The following CEP128 variants were observed in gnomAD, a reference collection of about 807,000 sequenced individuals.
The protein encoded by CEP128 is centrosomal protein 128kDa.
A neutral mutation model predicts 156.7 loss-of-function variants in CEP128; 132 were observed. That is an observed-to-expected ratio of 0.84 (90% CI 0.73 to 0.97). The LOEUF is 0.97. CEP128 is among the 50% of genes least tolerant of loss of function. The pLI is 0.00. For synonymous variants in CEP128, 469 were observed against 448.9 expected (o/e 1.04, Z -0.57); for missense variants, 1,252 against 1,281.9 (o/e 0.98, Z 0.36).
At chr14:80,567,584 G>T (rs1012346003) in intron 20 of CEP128, among the ~76,000 whole-genome samples, 2 of 152,070 alleles carry the variant, frequency 1.3e-5, no homozygotes, top group African/African-American at 4.8e-5. Context: ...ATCATTTCAA[G>T]ATTCTTCCTT....
At chr14:80,846,722 G>A (rs1181444941) in intron 9 of CEP128, among the ~76,000 whole-genome samples, 1 of 152,084 alleles carries the variant, frequency 6.6e-6, no homozygotes, top group Non-Finnish European at 1.5e-5. Flanking sequence ...AAAAGCTTCA[G>A]AAGACATGAC....
At chr14:80,855,146 C>T (rs1887082534) in intron 9 of CEP128, among the ~76,000 whole-genome samples, 1 of 152,094 alleles carries the variant, frequency 6.6e-6, no homozygotes, top group Non-Finnish European at 1.5e-5. Context: ...ACGCATTTTC[C>T]AACAAAGTAG....
chr14:80,865,830 T>G (rs1475434975), intron 8 of CEP128, among the ~76,000 whole-genome samples: 1 of 151,966 alleles, frequency 6.6e-6, no homozygotes, highest in Non-Finnish European at 1.5e-5. Context: ...CAAACTGAAG[T>G]CTCAAATCCA....
intron 19 of CEP128, among the ~76,000 whole-genome samples, chr14:80,732,471 GGTGTGTGTGTGTGTGTGTGTGTGTGT>G (rs10672093): frequency 7.8e-6 from 1 of 127,646 alleles, no homozygotes; most frequent in East Asian, 2.4e-4. Flanking sequence ...TGATTAAGCA[GGTGTGTGTGTGTGTGTGTGTGTGTGT>G]GTGTGTGTGT....
chr14:80,712,860 T>A (rs1179541843), intron 19 of CEP128, among the ~76,000 whole-genome samples: 1 of 152,164 alleles, frequency 6.6e-6, no homozygotes, highest in African/African-American at 2.4e-5. Flanking sequence ...TCCTGAGGCT[T>A]GCATTTCCCC....
chr14:80,634,098 G>A (rs554399985), intron 19 of CEP128, among the ~76,000 whole-genome samples: 28 of 152,282 alleles, frequency 1.8e-4, no homozygotes, highest in East Asian at 3.9e-4. Flanking sequence ...TGCCTGCTGC[G>A]TTACTAAGTT....
chr14:80,644,301 T>C (rs962997154), intron 19 of CEP128, among the ~76,000 whole-genome samples: 1 of 152,216 alleles, frequency 6.6e-6, no homozygotes, highest in Non-Finnish European at 1.5e-5. Flanking sequence ...TGACATACGA[T>C]GTTTCTTTGC....
At chr14:80,819,523 G>A (rs1885052126) in intron 13 of CEP128, among the ~76,000 whole-genome samples, 1 of 152,102 alleles carries the variant, frequency 6.6e-6, no homozygotes, top group South Asian at 2.1e-4. Context: ...TGGGATTACA[G>A]GCGTGAGCCA....
chr14:80,856,559 G>A (rs777240500), intron 9 of CEP128, among the ~76,000 whole-genome samples: 1 of 151,782 alleles, frequency 6.6e-6, no homozygotes, highest in Middle Eastern at 3.2e-3. Flanking sequence ...TAGAAGGATC[G>A]CTTGAGCCTG....
chr14:80,909,300 T>A (rs1183051501), intron 4 of CEP128, among the ~76,000 whole-genome samples: 1 of 151,870 alleles, frequency 6.6e-6, no homozygotes, highest in Non-Finnish European at 1.5e-5. Context: ...CTTGCCAGCA[T>A]CCTTTTTATG....
At chr14:80,788,668 C>A (rs542359472) in intron 14 of CEP128, among the ~76,000 whole-genome samples, 6 of 152,190 alleles carry the variant, frequency 3.9e-5, no homozygotes, top group African/African-American at 1.4e-4. Context: ...TTGCTTCCAA[C>A]CACATAGCAA....
chr14:80,731,613 A>AG (rs2139527323), intron 19 of CEP128, among the ~76,000 whole-genome samples: 1 of 152,310 alleles, frequency 6.6e-6, no homozygotes, highest in South Asian at 2.1e-4. Flanking sequence ...TAGTCTCAAT[A>AG]GGGGAAAAAA....
chr14:80,496,102 C>G (rs1887484898), downstream of CEP128, among the ~76,000 whole-genome samples: 1 of 152,284 alleles, frequency 6.6e-6, no homozygotes, highest in Admixed American at 6.5e-5. Context: ...CTAGCCTGAA[C>G]AAATCACTCC....
chr14:80,852,678 C>T (rs866817472), intron 9 of CEP128, among the ~76,000 whole-genome samples: 1 of 151,748 alleles, frequency 6.6e-6, no homozygotes, highest in Non-Finnish European at 1.5e-5. Context: ...TAGTAATCTG[C>T]AGCACCAAAA....
At chr14:80,533,583 C>T (rs1543919) in intron 21 of CEP128, among the ~76,000 whole-genome samples, 145,519 of 152,236 alleles carry the variant, frequency 0.96, 69,923 homozygotes, top group Middle Eastern at 1. Context: ...TATATTCAAA[C>T]GGCTATGTTT....
Position 80,919,739 on chromosome 14 carries a change from G to A in CEP128, c.-15-3177C>T, listed in dbSNP as rs77998010. ...AACATAAACTAAATTATCTCTAATC[G>A]TCATACAATACAAGAAAAAAGAATG... On this transcript the variant is annotated intron_variant, in intron 2 of 24. Transcript: ENST00000555265. Among the ~76,000 whole-genome samples the A allele has an allele frequency of 7.2e-3, 1,092 of 151,950 alleles. 11 individuals carry two copies. The highest frequency in any genetic ancestry group is 0.025 in the African/African-American group (1,028 of 41,434).
intron 19 of CEP128, among the ~76,000 whole-genome samples, chr14:80,674,017 C>T (rs1427499547): frequency 1.3e-5 from 2 of 151,856 alleles, no homozygotes; most frequent in Non-Finnish European, 2.9e-5. Context: ...AGGCCAATCA[C>T]CTTTCGTTTC....
At chr14:80,930,365 C>T (rs1177953769) in intron 2 of CEP128, among the ~76,000 whole-genome samples, 1 of 152,148 alleles carries the variant, frequency 6.6e-6, no homozygotes, top group East Asian at 1.9e-4. Context: ...CACTTCTGTC[C>T]ATACCTCTTT....
At chr14:80,529,757 G>C (rs1420856489) in intron 22 of CEP128, among the ~76,000 whole-genome samples, 2 of 152,146 alleles carry the variant, frequency 1.3e-5, no homozygotes, top group Non-Finnish European at 2.9e-5. Flanking sequence ...TTCTTTGATA[G>C]ATATTTAAAC....
Sources: gnomAD v4.1 joint callset for allele counts (sites outside exome capture counted in the v4.1 genomes callset) on GRCh38, gnomAD v4.1.1 for gene constraint, MANE v1.5 for transcripts, NCBI Gene and HGNC (gene_info 2026-07-23, HGNC 2026-07-21) for gene names.